Variants in CCSER2 observed in about 807,000 individuals in gnomAD.
The protein encoded by CCSER2 is serine-rich coiled-coil domain-containing protein 2.
CCSER2 carries 46 observed loss-of-function variants against 92.3 expected under a neutral mutation model. The observed-to-expected ratio is 0.50, with a 90% CI of 0.39 to 0.64. The LOEUF (loss-of-function observed/expected upper bound fraction) is 0.64, where lower values mean the gene tolerates loss of function less well. Ranked by LOEUF, CCSER2 falls within the 30% of genes least tolerant of loss-of-function variation. The pLI is 0.00. For synonymous variants in CCSER2, 433 were observed against 431.4 expected (o/e 1.00, Z -0.04); for missense variants, 1,244 against 1,238.9 (o/e 1.00, Z -0.06).
At chr10:84,388,950 G>T (rs984640683) in intron 3 of CCSER2, among the ~76,000 whole-genome samples, 13 of 152,120 alleles carry the variant, frequency 8.5e-5, no homozygotes, top group African/African-American at 3.1e-4. Context: ...TGGCCCAGGG[G>T]TTAGACTCCT....
At chr10:84,505,251 C>T (rs886547008) in intron 9 of CCSER2, among the ~76,000 whole-genome samples, 2 of 152,074 alleles carry the variant, frequency 1.3e-5, no homozygotes, top group African/African-American at 2.4e-5. Context: ...GCATTAATGT[C>T]GTTTCTAGTT....
intron 6 of CCSER2, among the ~76,000 whole-genome samples, chr10:84,451,159 G>C (rs1278445420): frequency 6.6e-6 from 1 of 150,746 alleles, no homozygotes; most frequent in Non-Finnish European, 1.5e-5. Context: ...ACAACACATA[G>C]AGCAATGAAA....
rs1228357556 is a variant in CCSER2, at chr10:84,514,229, A to G, written c.3106A>G (p.Asn1036Asp). The G allele has an allele frequency of 6.5e-7, 1 of 1,536,432 alleles. No individual in the cohort carries two copies. Among genetic ancestry groups the G allele is most frequent in the African/African-American group, 1.4e-5 (1 of 73,150 alleles). The part of the protein sequence containing the change: ...NLHSGDCLAS[N>D]RYSRLPKPKI... Reference sequence around the variant, plus strand: ...GCATTCTGGGGATTGTTTGGCCTCTAATCGATATTCTCGTCTTCCTAAACC... The same window carrying G: ...GCATTCTGGGGATTGTTTGGCCTCTGATCGATATTCTCGTCTTCCTAAACC... The change falls in exon 10 of 10, where the codon AAT becomes GAT. Residue 1036 changes from asparagine to aspartate, a missense_variant. Transcript: ENST00000372088.
chr10:84,338,806 G>A (rs2132998918), intron 1 of CCSER2, among the ~76,000 whole-genome samples: 1 of 152,236 alleles, frequency 6.6e-6, no homozygotes, highest in South Asian at 2.1e-4. Flanking sequence ...TTATTGAGTT[G>A]ATGTTTGAGA....
chr10:84,358,672 A>ATGTATATATG (rs1564595440), intron 1 of CCSER2, among the ~76,000 whole-genome samples: 1 of 148,038 alleles, frequency 6.8e-6, no homozygotes, highest in African/African-American at 2.5e-5. Context: ...ATATACATAT[A>ATGTATATATG]TGTATATATA....
At chr10:84,393,727 AC>A (rs1841662378) in intron 3 of CCSER2, 1 of 152,592 alleles carries the variant, frequency 6.6e-6, no homozygotes, top group African/African-American at 2.4e-5. Context: ...AATTAAAGGT[AC>A]TGTTTAATAC....
rs781229823 is a variant in CCSER2, at chr10:84,373,741, G to C, written c.1540G>C (p.Asp514His). 2 of 1,613,792 alleles carry C rather than the reference G, an allele frequency of 1.2e-6. No homozygotes were observed. The highest frequency in any genetic ancestry group is 1.7e-6 in the Non-Finnish European group (2 of 1,179,788). Residue 514 changes from aspartate (D) to histidine (H), a missense_variant, in exon 3 of 10, where the codon GAT becomes CAT. Asp to His is a moderately conservative substitution (Grantham distance 81, BLOSUM62 -1). Coordinates refer to ENST00000372088, the MANE Select transcript of CCSER2 (RefSeq NM_001284240.2). ...TAGCTCTGATGGAACATACATGTGG[G>C]ATGAAGAAGGCTTGGAACCCATTGG... ...SDSSDGTYMWDEEGLEPIGNV... is the reference protein window; with the variant it reads ...SDSSDGTYMWHEEGLEPIGNV...
chr10:84,371,283 A>G lies in CCSER2; in HGVS notation c.231A>G (p.Gln77=). 2 of 1,613,542 alleles carry G rather than the reference A, an allele frequency of 1.2e-6. No homozygotes were observed. The highest frequency in any genetic ancestry group is 3.3e-5 in the Admixed American group (2 of 59,932). The change falls in exon 2 of 10, where the codon CAA becomes CAG. Residue 77 remains glutamine (Q), a synonymous_variant. Transcript: ENST00000372088. Reference sequence around the variant, plus strand: ...CAAATAAATATCAGCTTTGTGCACAAGGTGTCGAAGAGCCTAACAATACTC... The same window carrying G: ...CAAATAAATATCAGCTTTGTGCACAGGGTGTCGAAGAGCCTAACAATACTC... The part of the protein sequence containing the change: ...RKANKYQLCA[Q]GVEEPNNTQN...
In CCSER2 at chr10:84,371,423, T is replaced by C. The variant is rs753762795; in HGVS notation, c.371T>C (p.Leu124Ser). Residue 124 changes from leucine to serine, a missense_variant, in exon 2 of 10, where the codon TTA becomes TCA. Coordinates refer to ENST00000372088, the MANE Select transcript of CCSER2 (RefSeq NM_001284240.2). ...LKSVSLFTSK[L>S]AKPSTMFVSS... ...AGTGTTTCTTTATTCACATCAAAGT[T>C]AGCAAAGCCATCCACTATGTTTGTG... is the stretch of plus-strand genomic sequence containing the variant. The C allele has an allele frequency of 1.6e-5, 26 of 1,613,456 alleles. No homozygotes were observed. In the South Asian group the frequency reaches 2.9e-4, roughly 18 times the overall value.
intron 3 of CCSER2, among the ~76,000 whole-genome samples, chr10:84,416,191 G>A (rs953697507): frequency 1.3e-5 from 2 of 152,178 alleles, no homozygotes; most frequent in African/African-American, 4.8e-5. Context: ...GAGGTTGGGG[G>A]TTCCTTTGGC....
intron 4 of CCSER2, among the ~76,000 whole-genome samples, chr10:84,421,862 A>G (rs2133412261): frequency 6.6e-6 from 1 of 152,316 alleles, no homozygotes; most frequent in African/African-American, 2.4e-5. Context: ...AAGAATGGAC[A>G]GCTATATAGA....
At chr10:84,511,015 C>T (rs1437016513) in intron 9 of CCSER2, among the ~76,000 whole-genome samples, 1 of 152,012 alleles carries the variant, frequency 6.6e-6, no homozygotes, top group East Asian at 1.9e-4. Context: ...TATCATGCCA[C>T]AAAAATTAAT....
intron 5 of CCSER2, among the ~76,000 whole-genome samples, chr10:84,434,909 T>G (rs1374837410): frequency 6.6e-6 from 1 of 152,158 alleles, no homozygotes. Flanking sequence ...ATATTAAAAT[T>G]AATAAGATAT....
Position 84,470,037 on chromosome 10 carries a change from T to TTA in CCSER2, c.2149-335_2149-334insTA, listed in dbSNP as rs1491549700. On this transcript the variant is annotated intron_variant, in intron 7 of 9. Transcript: ENST00000372088. ...GATTTTTTTTTTTTTTTTTTTTTTT[T>TTA]ACTCTGTGGCCTATGTCCCAGTTTT... is the stretch of plus-strand genomic sequence containing the variant. Among the ~76,000 whole-genome samples the TTA allele has an allele frequency of 4.9e-5, 7 of 143,400 alleles. No individual in the cohort carries two copies. The East Asian group carries it at 1.4e-3, about 30-fold the overall frequency. 94.1% of individuals were successfully genotyped at this position (143,400 alleles called of 152,430 possible). A position where few individuals can be genotyped will look rare whatever the true frequency, so the allele number is the denominator to read the frequency against.
At chr10:84,394,867 C>T (rs1841742452) in intron 3 of CCSER2, among the ~76,000 whole-genome samples, 1 of 151,986 alleles carries the variant, frequency 6.6e-6, no homozygotes, top group African/African-American at 2.4e-5. Flanking sequence ...ATTACCTAAA[C>T]TCCTTCTTGA....
At chr10:84,337,104 A>G (rs1843880820) in intron 1 of CCSER2, among the ~76,000 whole-genome samples, 2 of 152,342 alleles carry the variant, frequency 1.3e-5, no homozygotes, top group African/African-American at 2.4e-5. Flanking sequence ...GGTATGCACA[A>G]GTCTGCAGTT....
At chr10:84,378,820 C>T (rs1004036992) in intron 3 of CCSER2, among the ~76,000 whole-genome samples, 7 of 152,124 alleles carry the variant, frequency 4.6e-5, no homozygotes, top group African/African-American at 1.4e-4. Flanking sequence ...TAATCCTCCT[C>T]CCACAGTCTC....
chr10:84,480,068 A>T (rs1000757456), intron 9 of CCSER2, among the ~76,000 whole-genome samples: 2 of 152,160 alleles, frequency 1.3e-5, no homozygotes. Context: ...ATTTTGAGAC[A>T]GGGTCTTGGT....
chr10:84,416,494 T>A (rs1842893323), intron 3 of CCSER2, among the ~76,000 whole-genome samples: 2 of 152,210 alleles, frequency 1.3e-5, no homozygotes, highest in Admixed American at 1.3e-4. Context: ...AGATTTTGTT[T>A]TTCAAATAAT....
Sources: allele counts gnomAD v4.1 joint callset (sites outside exome capture counted in the v4.1 genomes callset), GRCh38; gene constraint gnomAD v4.1.1; transcripts MANE v1.5; gene names NCBI Gene and HGNC (gene_info 2026-07-23, HGNC 2026-07-21).